Variants in THADA observed in about 807,000 individuals in gnomAD.
THADA encodes the protein tRNA (32-2'-O)-methyltransferase regulator THADA.
In THADA, 213 loss-of-function variants were observed where a neutral mutation model predicts 219.8. That is an observed-to-expected ratio of 0.97 (90% CI 0.87 to 1.09). The LOEUF is 1.09. THADA is among the 50% of genes least tolerant of loss of function. THADA has a pLI of 0.00. For missense variants in THADA, 2,956 were observed against 2,311.3 expected (o/e 1.28, Z -5.72); for synonymous variants, 1,018 against 828.9 (o/e 1.23, Z -3.92).
At chr2:43,235,256 A>T in intron 36 of THADA, among the ~76,000 whole-genome samples, 1 of 151,868 alleles carries the variant, frequency 6.6e-6, no homozygotes, top group East Asian at 1.9e-4. Flanking sequence ...CTGGGATTAC[A>T]GGCATGAACC....
chr2:43,429,175 T>C (rs1225273534), intron 27 of THADA, among the ~76,000 whole-genome samples: 1 of 150,140 alleles, frequency 6.7e-6, no homozygotes, highest in African/African-American at 2.4e-5. Context: ...TGGCAAGATC[T>C]CAGCTCACTG....
chr2:43,552,844 C>G (rs1157286649), intron 17 of THADA, among the ~76,000 whole-genome samples: 1 of 151,948 alleles, frequency 6.6e-6, no homozygotes, highest in Non-Finnish European at 1.5e-5. Context: ...CGTTAGCAGT[C>G]ACTGCTCTCC....
intron 31 of THADA, among the ~76,000 whole-genome samples, chr2:43,305,528 C>T (rs1364299768): frequency 1.3e-5 from 2 of 152,160 alleles, no homozygotes; most frequent in Non-Finnish European, 2.9e-5. Flanking sequence ...TTTCCTTGTC[C>T]CAGCATACTC....
chr2:43,512,220 T>G (rs909675650), intron 22 of THADA, among the ~76,000 whole-genome samples: 1 of 152,172 alleles, frequency 6.6e-6, no homozygotes, highest in South Asian at 2.1e-4. Context: ...TCCTACCATC[T>G]AGTCCAAACC....
rs12615394 is a variant in THADA, at chr2:43,339,766, C to T, written c.4343+4356G>A. Reference sequence around the variant, plus strand: ...ACAACTCTTAGCCAAAGTAAATAAGCGATCTAGCTGGGACAGCTGAGCTGG... The same window carrying T: ...ACAACTCTTAGCCAAAGTAAATAAGTGATCTAGCTGGGACAGCTGAGCTGG... On this transcript the variant is annotated intron_variant, in intron 30 of 37. Transcript: ENST00000405975. Among the ~76,000 whole-genome samples, 35 of 152,120 alleles carry T rather than the reference C, an allele frequency of 2.3e-4. 1 individual carries two copies. In the East Asian group the frequency reaches 5.8e-3, roughly 25 times the overall value.
intron 29 of THADA, among the ~76,000 whole-genome samples, chr2:43,348,817 T>C (rs141178729): frequency 1.7e-3 from 258 of 152,330 alleles, no homozygotes; most frequent in African/African-American, 6.0e-3. Flanking sequence ...ATCCGTGTGA[T>C]GACTGCTTTA....
chr2:43,541,426 G>C, intron 20 of THADA, 110 bp from the exon 21 acceptor site: 15 of 1,208,686 alleles, frequency 1.2e-5, no homozygotes, highest in South Asian at 6.8e-5. Flanking sequence ...GAACAAACCC[G>C]ATTTGTCATG....
chr2:43,392,474 C>T (rs562120085), intron 29 of THADA, among the ~76,000 whole-genome samples: 55 of 152,192 alleles, frequency 3.6e-4, no homozygotes, highest in African/African-American at 1.3e-3. Flanking sequence ...TGGTTCCATC[C>T]CTGCTTCTTG....
intron 25 of THADA, chr2:43,486,393 C>G (rs1686923220): frequency 1.3e-5 from 2 of 152,100 alleles, no homozygotes; most frequent in African/African-American, 4.8e-5. Context: ...TAGGCTTCCT[C>G]AATTACTCTG....
chr2:43,543,784 T>C (rs1695639906), intron 20 of THADA, among the ~76,000 whole-genome samples: 1 of 152,164 alleles, frequency 6.6e-6, no homozygotes, highest in Non-Finnish European at 1.5e-5. Flanking sequence ...CTTTGTCAGA[T>C]GAGTAGGTTG....
intron 29 of THADA, among the ~76,000 whole-genome samples, chr2:43,374,561 A>C (rs1157913032): frequency 6.6e-6 from 1 of 152,226 alleles, no homozygotes; most frequent in Non-Finnish European, 1.5e-5. Flanking sequence ...CAAAAGATAT[A>C]ACCAATAAAA....
intron 26 of THADA, among the ~76,000 whole-genome samples, chr2:43,483,278 C>T (rs987537296): frequency 6.6e-6 from 1 of 152,130 alleles, no homozygotes; most frequent in Admixed American, 6.5e-5. Flanking sequence ...AAGGTCCTTC[C>T]TTCAGAAAGT....
chr2:43,414,856 C>A (rs1676741370), intron 28 of THADA, among the ~76,000 whole-genome samples: 1 of 152,084 alleles, frequency 6.6e-6, no homozygotes, highest in African/African-American at 2.4e-5. Context: ...GACAAGCTTT[C>A]ATCTTAGAAA....
chr2:43,566,398 A>G (rs1574287459), intron 15 of THADA: 2 of 691,000 alleles, frequency 2.9e-6, no homozygotes, highest in Non-Finnish European at 5.3e-6. Flanking sequence ...ATTGGATACT[A>G]TCTTAAAACA....
chr2:43,551,154 T>C (rs1696696357), intron 19 of THADA, among the ~76,000 whole-genome samples: 1 of 152,184 alleles, frequency 6.6e-6, no homozygotes, highest in South Asian at 2.1e-4. Context: ...GTTCAGTGAG[T>C]GTTTATGATA....
intron 28 of THADA, among the ~76,000 whole-genome samples, chr2:43,400,992 C>T (rs150444726): frequency 9.9e-4 from 150 of 152,180 alleles, no homozygotes; most frequent in African/African-American, 3.5e-3. Flanking sequence ...AATCGGATAG[C>T]CTCTGTCTCT....
chr2:43,241,045 G>C (rs76348634), intron 36 of THADA, among the ~76,000 whole-genome samples: 11,232 of 152,106 alleles, frequency 0.074, 512 homozygotes, highest in South Asian at 0.19. Context: ...ATTAAGTCTG[G>C]GGGGAATTCA....
At chr2:43,546,714 A>G (rs1696076818) in intron 20 of THADA, among the ~76,000 whole-genome samples, 3 of 151,478 alleles carry the variant, frequency 2.0e-5, no homozygotes, top group Admixed American at 2.0e-4. Flanking sequence ...TTTGGTTTCC[A>G]TTTGCTTGGT....
chr2:43,342,689 T>A (rs1466845865), intron 30 of THADA, among the ~76,000 whole-genome samples: 2 of 152,254 alleles, frequency 1.3e-5, no homozygotes, highest in Non-Finnish European at 2.9e-5. Flanking sequence ...AGACATTTGT[T>A]ATAATACTTA....
Sources: allele counts gnomAD v4.1 joint callset (sites outside exome capture counted in the v4.1 genomes callset), GRCh38; gene constraint gnomAD v4.1.1; transcripts MANE v1.5; gene names NCBI Gene and HGNC (gene_info 2026-07-23, HGNC 2026-07-21).